FZD3: variants seen among roughly 807,000 people sequenced by gnomAD.
FZD3 encodes frizzled-3.
A neutral mutation model predicts 60.7 loss-of-function variants in FZD3; 30 were observed. The observed-to-expected ratio is 0.49, with a 90% CI of 0.37 to 0.67. The LOEUF is 0.67. Among genes scored for constraint, FZD3 ranks in the 30% least tolerant of loss-of-function variants. The pLI, the probability that FZD3 is intolerant of heterozygous loss-of-function variation, is 0.00. For synonymous variants in FZD3, 246 were observed against 275.2 expected, an observed-to-expected ratio of 0.89 and a Z score of 1.05; for missense variants, 605 against 838.7, an observed-to-expected ratio of 0.72 and a Z score of 3.44.
chr8:28,522,725 T>G (rs1585967061), intron 4 of FZD3, among the ~76,000 whole-genome samples: 1 of 151,894 alleles, frequency 6.6e-6, no homozygotes, highest in African/African-American at 2.4e-5. Context: ...TACCCTAGGA[T>G]TGCCTAAATT....
intron 7 of FZD3, among the ~76,000 whole-genome samples, chr8:28,557,294 AT>A (rs1050194098): frequency 4.6e-5 from 7 of 151,752 alleles, no homozygotes; most frequent in Admixed American, 6.6e-5. Flanking sequence ...TGTGCTAAAT[AT>A]TTTTTGGGGT....
Position 28,516,994 on chromosome 8 carries a change from A to G in FZD3, c.190-3644A>G, listed in dbSNP as rs148304544. On this transcript the variant is annotated intron_variant, in intron 3 of 7. Transcript: ENST00000240093. ...ATGTTAATTTTACATGTATTTTAAG[A>G]TGATATTATTTTTGTTGGCACAGAG... 5.2e-3 allele frequency among the ~76,000 whole-genome samples: 792 copies of G among 152,252 alleles called. 4 individuals are homozygous for G. The highest frequency in any genetic ancestry group is 0.016 in the African/African-American group (665 of 41,552).
At chr8:28,537,704 T>G (rs1057327971) in intron 5 of FZD3, among the ~76,000 whole-genome samples, 1 of 152,242 alleles carries the variant, frequency 6.6e-6, no homozygotes, top group African/African-American at 2.4e-5. Flanking sequence ...GATCATTCTT[T>G]TATAACAGTG....
At chr8:28,521,430 A>T (rs61294984) in intron 4 of FZD3, among the ~76,000 whole-genome samples, 2 of 152,100 alleles carry the variant, frequency 1.3e-5, no homozygotes, top group East Asian at 1.9e-4. Flanking sequence ...ACCTATTTGT[A>T]TTCTGAAATA....
chr8:28,509,329 T>A (rs1208048555), intron 3 of FZD3, among the ~76,000 whole-genome samples: 1 of 151,782 alleles, frequency 6.6e-6, no homozygotes, highest in Admixed American at 6.5e-5. Context: ...ATAACACTTA[T>A]ATAAAATATT....
Position 28,563,165 on chromosome 8 carries a change from T to G in FZD3, c.*154T>G, listed in dbSNP as rs1192092686. ...AAAGGTAAATGATTGCTTTTTTATA[T>G]TGCATCAAACTTGGAACATCAAGGC... is the stretch of plus-strand genomic sequence containing the variant. On this transcript the variant is annotated 3_prime_UTR_variant, in exon 8 of 8. Coordinates refer to ENST00000240093, the MANE Select transcript of FZD3 (RefSeq NM_017412.4). 3 of 612,388 alleles carry G rather than the reference T, an allele frequency of 4.9e-6. No homozygotes were observed. The highest frequency in any genetic ancestry group is 8.9e-6 in the Non-Finnish European group (3 of 338,700). 37.9% of individuals were successfully genotyped at this position (612,388 alleles called of 1,614,324 possible).
rs1318338930 is a variant in FZD3, at chr8:28,503,191, T to C, written c.178T>C (p.Leu60=). The change falls in exon 3 of 8, where the codon TTG becomes CTG. Residue 60 remains leucine (L), a synonymous_variant. Transcript: ENST00000240093. ...LNHYDQQTAA[L]AMEPFHPMVN... is the part of the protein sequence containing the mutation. The stretch of plus-strand genomic sequence containing the variant: ...TCATTATGACCAACAGACAGCAGCT[T>C]TGGCAATGGAGGTAAGACTTGATCT... 1.2e-6 allele frequency: 2 copies of C among 1,609,802 alleles called. No homozygotes were observed. The highest frequency in any genetic ancestry group is 1.7e-6 in the Non-Finnish European group (2 of 1,176,314).
intron 5 of FZD3, among the ~76,000 whole-genome samples, chr8:28,532,595 C>CTT (rs58957281): frequency 6.9e-6 from 1 of 145,242 alleles, no homozygotes; most frequent in Non-Finnish European, 1.5e-5. Flanking sequence ...GCTTGGCTAA[C>CTT]TTTTTTTTTT....
intron 7 of FZD3, 47 bp from the exon 8 acceptor site, chr8:28,562,751 T>G: frequency 9.1e-7 from 1 of 1,093,452 alleles, no homozygotes; most frequent in South Asian, 1.3e-5. Flanking sequence ...GTTATTATAT[T>G]TTCTAGTGTG....
chr8:28,567,952 C>CT lies in FZD3; in HGVS notation c.*4946dup, dbSNP rs1243139077. The CT allele has an allele frequency of 2.6e-5, 4 of 151,902 alleles. No homozygotes were observed. Among genetic ancestry groups the CT allele is most frequent in the Non-Finnish European group, 4.4e-5 (3 of 67,940 alleles). 9.4% of individuals were successfully genotyped at this position (151,902 alleles called of 1,614,324 possible). On this transcript the variant is annotated 3_prime_UTR_variant, in exon 8 of 8. Transcript: ENST00000240093. ...ACCCTATAATGTTTTTTGTCTTTGACTTTTTGGCTTTTATGTACCTCATTT... is the reference window on the plus strand; with the variant it reads ...ACCCTATAATGTTTTTTGTCTTTGACTTTTTTGGCTTTTATGTACCTCATTT...
Position 28,551,627 on chromosome 8 carries a change from T to C in FZD3, c.1429T>C (p.Leu477=). ...GGTTACTCAAATGAGTCGTCCAGAC[T>C]TGATTCTCTTTCTGATGAAATACCT... The part of the protein sequence containing the change: ...YQVTQMSRPD[L]ILFLMKYLMA... The change falls in exon 6 of 8, where the codon TTG becomes CTG. Residue 477 remains leucine (L), a synonymous_variant. Coordinates refer to ENST00000240093, the MANE Select transcript of FZD3 (RefSeq NM_017412.4). 1 of 1,610,320 alleles carries C rather than the reference T, an allele frequency of 6.2e-7. No homozygotes were observed. Among genetic ancestry groups the C allele is most frequent in the South Asian group, 1.1e-5 (1 of 90,754 alleles).
At chr8:28,531,352 A>G (rs1804871136) in intron 5 of FZD3, among the ~76,000 whole-genome samples, 1 of 152,110 alleles carries the variant, frequency 6.6e-6, no homozygotes, top group Non-Finnish European at 1.5e-5. Context: ...ATTTGTTTTA[A>G]CTGCAGTGGA....
At position 28,535,248 on chromosome 8, in the gene FZD3, A is replaced by G. The variant is rs748984960; in HGVS notation, c.1404+7084A>G. On this transcript the variant is annotated intron_variant, in intron 5 of 7. Coordinates refer to ENST00000240093, the MANE Select transcript of FZD3 (RefSeq NM_017412.4). ...TTTTTTTTTCTGTTTTCTAAATAAA[A>G]TTGTAGGTTTTAGCACAGTTTTAGA... 2.6e-5 allele frequency among the ~76,000 whole-genome samples: 4 copies of G among 152,266 alleles called. 1 individual carries two copies. In the East Asian group the frequency reaches 7.7e-4, roughly 29 times the overall value.
intron 3 of FZD3, 125 bp from the exon 4 acceptor site, chr8:28,520,513 C>G (rs374371012): frequency 6.8e-6 from 4 of 591,040 alleles, no homozygotes; most frequent in African/African-American, 3.7e-5. Context: ...AAAAACTCCC[C>G]TTCAGAAAAT....
rs114032230 is a variant in FZD3 at position 28,526,208 on chromosome 8, C to G, written c.387-939C>G. On this transcript the variant is annotated intron_variant, in intron 4 of 7. Transcript: ENST00000240093. ...TAATGTTTATACACACACACACACT[C>G]ACACACACATTTCTGCAACGTGCTT... 8.5e-3 allele frequency among the ~76,000 whole-genome samples: 1,295 copies of G among 152,102 alleles called. 21 individuals carry two copies. The highest frequency in any genetic ancestry group is 0.03 in the African/African-American group (1,223 of 41,404).
At chr8:28,530,441 G>A (rs890360550) in intron 5 of FZD3, 1 of 152,002 alleles carries the variant, frequency 6.6e-6, no homozygotes, top group Non-Finnish European at 1.5e-5. Context: ...GAATGCTCCC[G>A]ATGTCTTCTG....
rs1585198925 is a variant in FZD3, at chr8:28,565,856, T to C, written c.*2845T>C. 1 of 152,172 alleles carries C rather than the reference T, an allele frequency of 6.6e-6. No individual in the cohort carries two copies. The highest frequency in any genetic ancestry group is 1.5e-5 in the Non-Finnish European group (1 of 67,980). 9.4% of individuals were successfully genotyped at this position (152,172 alleles called of 1,614,324 possible). A position where few individuals can be genotyped will look rare whatever the true frequency, so the allele number is the denominator to read the frequency against. On this transcript the variant is annotated 3_prime_UTR_variant, in exon 8 of 8. Coordinates refer to ENST00000240093, the MANE Select transcript of FZD3 (RefSeq NM_017412.4). ...TTTCCTACCATATGTTTAACTTTGA[T>C]TGGCATATGATAATGTTTAGTGTTT... is the stretch of plus-strand genomic sequence containing the variant.
In FZD3 at chr8:28,570,815, G is replaced by A. The variant is rs972944684; in HGVS notation, c.*7804G>A. 1 of 151,976 alleles carries A rather than the reference G, an allele frequency of 6.6e-6. No homozygotes were observed. The highest frequency in any genetic ancestry group is 2.4e-5 in the African/African-American group (1 of 41,368). 9.4% of individuals were successfully genotyped at this position (151,976 alleles called of 1,614,324 possible). A position where few individuals can be genotyped will look rare whatever the true frequency, so the allele number is the denominator to read the frequency against. On this transcript the variant is annotated 3_prime_UTR_variant, in exon 8 of 8. Coordinates refer to ENST00000240093, the MANE Select transcript of FZD3 (RefSeq NM_017412.4). ...CTTTTGAACACTGGTTCAAATCTGGGTGTTGGGTTAGGATCTGATGAGTAG... is the reference window on the plus strand; with the variant it reads ...CTTTTGAACACTGGTTCAAATCTGGATGTTGGGTTAGGATCTGATGAGTAG...
rs1351967893 is a variant in FZD3 at position 28,569,038 on chromosome 8, GTTTT to G, written c.*6031_*6034del. ...TTAACTAGTAAAGTTAGTTTTTAAA[GTTTT>G]TTTAAGGTTGATATTTTATCATATT... is the stretch of plus-strand genomic sequence containing the variant. On this transcript the variant is annotated 3_prime_UTR_variant, in exon 8 of 8. Transcript: ENST00000240093. The G allele has an allele frequency of 6.6e-6, 1 of 151,898 alleles. No individual in the cohort carries two copies. Among genetic ancestry groups the G allele is most frequent in the Non-Finnish European group, 1.5e-5 (1 of 67,914 alleles). The allele number at this position is 151,898 out of a possible 1,614,324, so 9.4% of individuals were successfully genotyped here.
Sources: allele counts gnomAD v4.1 joint callset (sites outside exome capture counted in the v4.1 genomes callset), GRCh38; gene constraint gnomAD v4.1.1; transcripts MANE v1.5; gene names NCBI Gene and HGNC (gene_info 2026-07-23, HGNC 2026-07-21).